The following LRRC7 variants were observed in gnomAD, a reference collection of about 807,000 sequenced individuals.
LRRC7 encodes the protein leucine rich repeat containing 7, also known as leucine-rich repeat-containing protein 7.
A neutral mutation model predicts 175.7 loss-of-function variants in LRRC7; 23 were observed. The ratio of observed to expected loss-of-function variants is 0.13; its 90% CI spans 0.09 to 0.19. The LOEUF is 0.19. Among genes scored for constraint, LRRC7 ranks in the 10% least tolerant of loss-of-function variants. The pLI, the probability that LRRC7 is intolerant of heterozygous loss-of-function variation, is 1.00. For missense variants in LRRC7, 1,354 were observed against 1,904.7 expected, an observed-to-expected ratio of 0.71 and a Z score of 5.38; for synonymous variants, 685 against 680.9, an observed-to-expected ratio of 1.01 and a Z score of -0.09.
chr1:70,140,771 A>G lies in LRRC7; in HGVS notation c.*18884A>G, dbSNP rs1236938231. On this transcript the variant is annotated 3_prime_UTR_variant, in exon 27 of 27. Coordinates refer to ENST00000651989, the MANE Select transcript of LRRC7 (RefSeq NM_001370785.2). ...TGCCCAGTATCTCTTTACTGATACA[A>G]GTATTCAAAGGCCCTCCTATCCAAT... 6.6e-6 allele frequency among the ~76,000 whole-genome samples: 1 copy of G among 152,178 alleles called. No homozygotes were observed. Among genetic ancestry groups the G allele is most frequent in the Non-Finnish European group, 1.5e-5 (1 of 68,020 alleles).
At chr1:70,073,336 A>G (rs1662529436) in intron 23 of LRRC7, among the ~76,000 whole-genome samples, 1 of 152,122 alleles carries the variant, frequency 6.6e-6, no homozygotes, top group Admixed American at 6.6e-5. Context: ...TATCAGAAGA[A>G]AAAATATACC....
intron 4 of LRRC7, among the ~76,000 whole-genome samples, chr1:69,793,183 A>T (rs1361494): frequency 0.53 from 79,843 of 151,832 alleles, 21,585 homozygotes; most frequent in African/African-American, 0.66. Context: ...ATTAAACAAG[A>T]AATTGTAGAT....
At chr1:69,589,174 G>A (rs1395172799) in intron 1 of LRRC7, among the ~76,000 whole-genome samples, 5 of 151,666 alleles carry the variant, frequency 3.3e-5, no homozygotes, top group Non-Finnish European at 7.4e-5. Context: ...GTGTGTGAGA[G>A]AGAGAGACAT....
intron 24 of LRRC7, among the ~76,000 whole-genome samples, chr1:70,087,949 A>T (rs1191728391): frequency 6.6e-6 from 1 of 152,204 alleles, no homozygotes; most frequent in Non-Finnish European, 1.5e-5. Flanking sequence ...AGTCAGAAAT[A>T]GGACTCAGTT....
At chr1:69,612,726 T>C (rs1326263153) in intron 1 of LRRC7, among the ~76,000 whole-genome samples, 7 of 152,120 alleles carry the variant, frequency 4.6e-5, no homozygotes, top group Non-Finnish European at 1.0e-4. Flanking sequence ...TCTAATGTTT[T>C]GACTTAATTT....
rs1438260440 is a variant in LRRC7, at chr1:70,134,127, C to A, written c.*12240C>A. ...TGAGTAATCAGCATAATATGACAAT[C>A]AGATTTTATTTTATTATGAAGTGAA... On this transcript the variant is annotated 3_prime_UTR_variant, in exon 27 of 27. Transcript: ENST00000651989. Among the ~76,000 whole-genome samples, 1 of 152,130 alleles carries A rather than the reference C, an allele frequency of 6.6e-6. No homozygotes were observed. Among genetic ancestry groups the A allele is most frequent in the African/African-American group, 2.4e-5 (1 of 41,418 alleles).
At chr1:69,608,512 C>G (rs1434073924) in intron 1 of LRRC7, among the ~76,000 whole-genome samples, 1 of 152,026 alleles carries the variant, frequency 6.6e-6, no homozygotes, top group Non-Finnish European at 1.5e-5. Context: ...CCAGTGCAGG[C>G]AGAGCCTAAC....
At chr1:69,727,685 T>C (rs759921774) in intron 2 of LRRC7, among the ~76,000 whole-genome samples, 22 of 152,234 alleles carry the variant, frequency 1.4e-4, no homozygotes, top group Non-Finnish European at 1.2e-4. Flanking sequence ...TTAGAAACTA[T>C]AAACCAAGAC....
At chr1:69,573,890 A>G (rs1343417588) in intron 1 of LRRC7, among the ~76,000 whole-genome samples, 1 of 152,208 alleles carries the variant, frequency 6.6e-6, no homozygotes, top group African/African-American at 2.4e-5. Context: ...ATGTGTTTAA[A>G]TATTTTAACA....
Position 70,130,950 on chromosome 1 carries a change from C to T in LRRC7, c.*9063C>T, listed in dbSNP as rs1343812064. 6.6e-6 allele frequency among the ~76,000 whole-genome samples: 1 copy of T among 152,138 alleles called. No homozygotes were observed. The highest frequency in any genetic ancestry group is 1.5e-5 in the Non-Finnish European group (1 of 68,016). ...AATAGTCTGTCTACAGGCTGTTGGC[C>T]ACAGTTGAGCATGACAATGTTTACA... On this transcript the variant is annotated 3_prime_UTR_variant, in exon 27 of 27. Coordinates refer to ENST00000651989, the MANE Select transcript of LRRC7 (RefSeq NM_001370785.2).
intron 7 of LRRC7, among the ~76,000 whole-genome samples, chr1:69,855,913 T>C (rs1683554101): frequency 6.6e-6 from 1 of 152,168 alleles, no homozygotes; most frequent in Non-Finnish European, 1.5e-5. Flanking sequence ...TCTTTGTTGG[T>C]TTAAAGTCTG....
At chr1:70,082,938 C>A (rs1663333170) in intron 24 of LRRC7, among the ~76,000 whole-genome samples, 1 of 151,392 alleles carries the variant, frequency 6.6e-6, no homozygotes, top group Non-Finnish European at 1.5e-5. Context: ...GCATGCTCCA[C>A]CACACCCAGC....
chr1:69,822,108 A>T (rs1679366625), intron 4 of LRRC7, among the ~76,000 whole-genome samples: 1 of 152,118 alleles, frequency 6.6e-6, no homozygotes, highest in Admixed American at 6.6e-5. Context: ...TGCCTGCTCC[A>T]CCTATTTTGT....
chr1:69,614,009 A>G (rs1649217074), intron 1 of LRRC7, among the ~76,000 whole-genome samples: 1 of 150,036 alleles, frequency 6.7e-6, no homozygotes, highest in Non-Finnish European at 1.5e-5. Context: ...TACAATTGTG[A>G]TAATTATCAT....
Position 69,718,132 on chromosome 1 carries a change from A to AGAG in LRRC7, c.100+39654_100+39655insGAG, listed in dbSNP as rs1557643300. Among the ~76,000 whole-genome samples, 374 of 54,730 alleles carry AGAG rather than the reference A, an allele frequency of 6.8e-3. 9 individuals are homozygous for AGAG. Among genetic ancestry groups the AGAG allele is most frequent in the African/African-American group, 0.017 (128 of 7,696 alleles). The allele number at this position is 54,730 out of a possible 152,430, so 35.9% of individuals were successfully genotyped here. A position where few individuals can be genotyped will look rare whatever the true frequency, so the allele number is the denominator to read the frequency against. On this transcript the variant is annotated intron_variant, in intron 2 of 26. Transcript: ENST00000651989. ...GAAAAAGAAAGAAAGAAAGAAAAGAAAGAAAGAGAGAGAAAGAAAGAAAGA... is the reference window on the plus strand; with the variant it reads ...GAAAAAGAAAGAAAGAAAGAAAAGAAGAGAGAAAGAGAGAGAAAGAAAGAAAGA...
At chr1:69,618,119 A>C (rs986279503) in intron 1 of LRRC7, among the ~76,000 whole-genome samples, 3 of 152,162 alleles carry the variant, frequency 2.0e-5, no homozygotes, top group Non-Finnish European at 4.4e-5. Context: ...ATGTAAGAAC[A>C]CACTTATCTC....
chr1:69,964,925 A>G (rs1289623377), intron 8 of LRRC7, among the ~76,000 whole-genome samples: 2 of 152,212 alleles, frequency 1.3e-5, no homozygotes, highest in Non-Finnish European at 2.9e-5. Context: ...AGACACCCTT[A>G]TACCTGGCCA....
intron 3 of LRRC7, among the ~76,000 whole-genome samples, chr1:69,766,072 AT>A (rs1245085403): frequency 1.3e-5 from 2 of 152,118 alleles, no homozygotes; most frequent in African/African-American, 4.8e-5. Flanking sequence ...GAAAAAGACA[AT>A]TGCAGAGAAA....
In LRRC7 at chr1:70,131,658, A is replaced by G. The variant is rs1397685177; in HGVS notation, c.*9771A>G. Among the ~76,000 whole-genome samples, 2 of 152,176 alleles carry G rather than the reference A, an allele frequency of 1.3e-5. No homozygotes were observed. The highest frequency in any genetic ancestry group is 2.9e-5 in the Non-Finnish European group (2 of 68,032). The stretch of plus-strand genomic sequence containing the variant: ...CTCATAAAATTTTTGATTTAGAAAG[A>G]TTTAGATAAAGTCATAGTATATCTT... On this transcript the variant is annotated 3_prime_UTR_variant, in exon 27 of 27. Coordinates refer to ENST00000651989, the MANE Select transcript of LRRC7 (RefSeq NM_001370785.2).
Sources: gnomAD v4.1 joint callset for allele counts (sites outside exome capture counted in the v4.1 genomes callset) on GRCh38, gnomAD v4.1.1 for gene constraint, MANE v1.5 for transcripts, NCBI Gene and HGNC (gene_info 2026-07-23, HGNC 2026-07-21) for gene names.